Variants in MAP3K13 observed in about 807,000 individuals in gnomAD.
MAP3K13 encodes mitogen-activated protein kinase kinase kinase 13.
Under a neutral mutation model 104.0 loss-of-function variants are expected in MAP3K13, and 52 were observed. The ratio of observed to expected loss-of-function variants is 0.50; its 90% CI spans 0.40 to 0.63. The LOEUF is 0.63. Ranked by LOEUF, MAP3K13 falls within the 20% of genes least tolerant of loss-of-function variation. The probability of loss-of-function intolerance (pLI) is 0.00; values close to 1 mark genes in which losing one functional copy is unlikely to be tolerated. For missense variants in MAP3K13, 914 were observed against 1,218.5 expected (o/e 0.75, Z 3.72); for synonymous variants, 394 against 442.2 (o/e 0.89, Z 1.37).
At chr3:185,421,246 T>C (rs2108795918) in intron 1 of MAP3K13, among the ~76,000 whole-genome samples, 1 of 152,252 alleles carries the variant, frequency 6.6e-6, no homozygotes, top group East Asian at 1.9e-4. Flanking sequence ...CAGGCTGAAG[T>C]GCAGTGGCAG....
At chr3:185,481,973 G>A (rs540346468) in intron 13 of MAP3K13, among the ~76,000 whole-genome samples, 4 of 152,248 alleles carry the variant, frequency 2.6e-5, no homozygotes, top group East Asian at 1.9e-4. Context: ...AGTCCCAGCC[G>A]CTCAGGAGGC....
intron 1 of MAP3K13, among the ~76,000 whole-genome samples, chr3:185,410,807 C>T (rs894972190): frequency 2.0e-5 from 3 of 151,532 alleles, no homozygotes; most frequent in Admixed American, 1.3e-4. Context: ...TTGTGGCGGG[C>T]GCCTGTAATC....
intron 7 of MAP3K13, among the ~76,000 whole-genome samples, chr3:185,458,456 C>A (rs1004156434): frequency 6.6e-6 from 1 of 151,934 alleles, no homozygotes; most frequent in East Asian, 1.9e-4. Flanking sequence ...CCATTATTCA[C>A]CTTAATTTTT....
intron 1 of MAP3K13, among the ~76,000 whole-genome samples, chr3:185,372,930 T>A (rs550703650): frequency 6.6e-6 from 1 of 152,320 alleles, no homozygotes; most frequent in East Asian, 1.9e-4. Flanking sequence ...TACCTGAGAC[T>A]GTCCTGCTAA....
rs2108797640 is a variant in MAP3K13 at position 185,423,270 on chromosome 3, A to G, written c.-85-5227A>G. ...TCCGTGGAAGTAGTGTCTTCCACAA[A>G]ACTGGTCCCTGGTGCCAAAGAGGTT... On this transcript the variant is annotated intron_variant, in intron 1 of 13. Transcript: ENST00000265026. The surrounding 1 kb of genome is among the most constrained non-coding windows in gnomAD (Gnocchi z 4.1). Among the ~76,000 whole-genome samples the G allele has an allele frequency of 6.6e-6, 1 of 152,332 alleles. No homozygotes were observed. Among genetic ancestry groups the G allele is most frequent in the Non-Finnish European group, 1.5e-5 (1 of 68,040 alleles).
intron 2 of MAP3K13, among the ~76,000 whole-genome samples, chr3:185,352,452 A>G (rs1048748909): frequency 3.3e-5 from 5 of 151,376 alleles, no homozygotes; most frequent in African/African-American, 1.2e-4. Context: ...CTAAAAAAGA[A>G]AAAAAAAAGA....
At chr3:185,390,805 G>A (rs879333602) in intron 1 of MAP3K13, among the ~76,000 whole-genome samples, 38 of 17,696 alleles carry the variant, frequency 2.1e-3, no homozygotes, top group Admixed American at 1.6e-3. Flanking sequence ...TGTATTTTTG[G>A]TAGAGATGGG....
In MAP3K13 at chr3:185,454,677, T is replaced by A. The variant is rs1366760830; in HGVS notation, c.1278+3282T>A. 8.4e-3 allele frequency among the ~76,000 whole-genome samples: 335 copies of A among 39,722 alleles called. 81 individuals carry two copies. Among genetic ancestry groups the A allele is most frequent in the African/African-American group, 0.016 (218 of 14,054 alleles). The allele number at this position is 39,722 out of a possible 152,430, so 26.1% of individuals were successfully genotyped here. A position where few individuals can be genotyped will look rare whatever the true frequency, so the allele number is the denominator to read the frequency against. ...TATATATATGATATATATGAGATATTTATATGATATATATATGAGATATAT... is the reference window on the plus strand; with the variant it reads ...TATATATATGATATATATGAGATATATATATGATATATATATGAGATATAT... On this transcript the variant is annotated intron_variant, in intron 7 of 13. Transcript: ENST00000265026.
chr3:185,454,883 G>GAGATATATATATC (rs1390778840), intron 7 of MAP3K13, among the ~76,000 whole-genome samples: 1 of 25,662 alleles, frequency 3.9e-5, no homozygotes, highest in African/African-American at 9.6e-5. Flanking sequence ...ATATATATAT[G>GAGATATATATATC]ATATATATAT....
At position 185,473,307 on chromosome 3, in the gene MAP3K13, A is replaced by T; in HGVS notation, c.1976A>T (p.His659Leu). ...AGTCACCATCCCAGACTCAATATGC[A>T]CGGACAGGACATAGCAACCTGCGCC... ...SQSHHPRLNM[H>L]GQDIATCANN... is the part of the protein sequence containing the mutation. The change falls in exon 11 of 14, where the codon CAC (histidine) becomes CTC (leucine). Residue 659 changes from histidine to leucine, a missense_variant. His to Leu is a moderately conservative substitution (Grantham distance 99). This residue lies in a region of MAP3K13 where 583 missense variants were observed against 737.4 expected (regional missense o/e 0.79). Coordinates refer to ENST00000265026, the MANE Select transcript of MAP3K13 (RefSeq NM_004721.5). The surrounding 1 kb of genome is among the most constrained non-coding windows in gnomAD (Gnocchi z 4.9). 6.2e-7 allele frequency: 1 copy of T among 1,614,190 alleles called. No homozygotes were observed. The highest frequency in any genetic ancestry group is 8.5e-7 in the Non-Finnish European group (1 of 1,180,026).
chr3:185,416,689 C>T lies in MAP3K13; in HGVS notation c.-85-11808C>T, dbSNP rs149768595. Among the ~76,000 whole-genome samples, 628 of 152,066 alleles carry T rather than the reference C, an allele frequency of 4.1e-3. 4 individuals are homozygous for T. The highest frequency in any genetic ancestry group is 0.014 in the African/African-American group (594 of 41,476). ...TGTTGTTCAGACTGGAGTACAGTGG[C>T]GCAATCATGGCTCACTGCAGCTTAG... On this transcript the variant is annotated intron_variant, in intron 1 of 13. Transcript: ENST00000265026.
intron 2 of MAP3K13, among the ~76,000 whole-genome samples, chr3:185,303,968 C>T (rs1721194682): frequency 6.6e-6 from 1 of 151,972 alleles, no homozygotes; most frequent in Non-Finnish European, 1.5e-5. Context: ...TAATAACTTT[C>T]CCCCTTAGTA....
intron 2 of MAP3K13, among the ~76,000 whole-genome samples, chr3:185,318,945 T>C (rs1721767079): frequency 1.3e-5 from 2 of 152,218 alleles, no homozygotes; most frequent in Admixed American, 1.3e-4. Context: ...TCTATACTTT[T>C]CTTGTACCCT....
In MAP3K13 at chr3:185,418,814, C is replaced by T. The variant is rs981540554; in HGVS notation, c.-85-9683C>T. 3 of 1,565,924 alleles carry T rather than the reference C, an allele frequency of 1.9e-6. No homozygotes were observed. Among genetic ancestry groups the T allele is most frequent in the Middle Eastern group, 1.8e-4 (1 of 5,516 alleles). On this transcript the variant is annotated intron_variant, in intron 1 of 13. Transcript: ENST00000265026. The surrounding 1 kb of genome is among the most constrained non-coding windows in gnomAD (Gnocchi z 4.5). The stretch of plus-strand genomic sequence containing the variant: ...GGAGACAGCCACGCTCCTCTCAGCC[C>T]GGCTGCTGCCACAGGAAAAGCATGT...
At position 185,450,156 on chromosome 3, in the gene MAP3K13, A is replaced by G; in HGVS notation, c.1169+98A>G. ...AGAATAGGAGCTTTGGAGTAGGAGA[A>G]TCTTGGGTTCAAATACTAGCTCTGC... On this transcript the variant is annotated intron_variant, in intron 6 of 13. Coordinates refer to ENST00000265026, the MANE Select transcript of MAP3K13 (RefSeq NM_004721.5). This position sits in a 1 kb window ranked among gnomAD's most constrained non-coding sequence, Gnocchi z 4.2. The G allele has an allele frequency of 1.7e-6, 2 of 1,184,664 alleles. No individual in the cohort carries two copies. The highest frequency in any genetic ancestry group is 5.3e-5 in the East Asian group (2 of 37,936). 73.4% of individuals were successfully genotyped at this position (1,184,664 alleles called of 1,614,324 possible). A position where few individuals can be genotyped will look rare whatever the true frequency, so the allele number is the denominator to read the frequency against.
intron 7 of MAP3K13, among the ~76,000 whole-genome samples, chr3:185,455,201 TGATATATATGA>T (rs1267342158): frequency 1.5e-4 from 8 of 52,080 alleles, no homozygotes; most frequent in African/African-American, 4.7e-4. Context: ...GATATATATA[TGATATATATGA>T]GATATATATA....
intron 2 of MAP3K13, among the ~76,000 whole-genome samples, chr3:185,289,266 C>T (rs1048047257): frequency 2.6e-5 from 4 of 152,098 alleles, no homozygotes; most frequent in Admixed American, 2.6e-4. Context: ...ACATCAGGAA[C>T]ATTGTAGAGG....
chr3:185,341,801 TA>T (rs1247924501), intron 2 of MAP3K13, among the ~76,000 whole-genome samples: 1 of 152,238 alleles, frequency 6.6e-6, no homozygotes, highest in African/African-American at 2.4e-5. Context: ...AATAAAGTTT[TA>T]TTGGAACACG....
intron 1 of MAP3K13, among the ~76,000 whole-genome samples, chr3:185,378,943 G>A (rs929707955): frequency 6.6e-6 from 1 of 152,172 alleles, no homozygotes; most frequent in African/African-American, 2.4e-5. Context: ...TAGATTTTAG[G>A]TCAGGCAAGA....
Sources: allele counts gnomAD v4.1 joint callset (sites outside exome capture counted in the v4.1 genomes callset), GRCh38; gene constraint gnomAD v4.1.1; regional missense constraint gnomAD v4.1.1; non-coding constraint Gnocchi (gnomAD v3.1); transcripts MANE v1.5; gene names NCBI Gene and HGNC (gene_info 2026-07-23, HGNC 2026-07-21).